The following B3GALT1 variants were observed in gnomAD, a reference collection of about 807,000 sequenced individuals.
The protein encoded by B3GALT1 is UDP-Gal:betaGlcNAc beta 1,3-galactosyltransferase, polypeptide 1.
B3GALT1 carries 10 observed loss-of-function variants against 23.2 expected under a neutral mutation model. The ratio of observed to expected loss-of-function variants is 0.43; its 90% CI spans 0.27 to 0.73. The LOEUF is 0.73. B3GALT1 is among the 30% of genes least tolerant of loss of function. The pLI is 0.21. For missense variants in B3GALT1, 299 were observed against 405.4 expected, an observed-to-expected ratio of 0.74 and a Z score of 2.25; for synonymous variants, 156 against 141.5, an observed-to-expected ratio of 1.10 and a Z score of -0.73.
chr2:167,752,516 G>T (rs1165645131), intron 3 of B3GALT1, among the ~76,000 whole-genome samples: 1 of 144,114 alleles, frequency 6.9e-6, no homozygotes, highest in Non-Finnish European at 1.5e-5. Context: ...TACTCTATTT[G>T]TTTTTTTTTT....
intron 1 of B3GALT1, among the ~76,000 whole-genome samples, chr2:167,425,421 A>G (rs1698609047): frequency 6.6e-6 from 1 of 152,120 alleles, no homozygotes; most frequent in Admixed American, 6.6e-5. Flanking sequence ...CCAGCAAGGG[A>G]AAAAAAATCA....
At position 167,428,633 on chromosome 2, in the gene B3GALT1, GC is replaced by G. The variant is rs534054636; in HGVS notation, c.-510-61540del. 5.0e-3 allele frequency among the ~76,000 whole-genome samples: 765 copies of G among 151,954 alleles called. 8 individuals are homozygous for G. The highest frequency in any genetic ancestry group is 0.018 in the African/African-American group (731 of 41,428). On this transcript the variant is annotated intron_variant, in intron 1 of 4. Coordinates refer to ENST00000392690, the MANE Select transcript of B3GALT1 (RefSeq NM_020981.4). Reference sequence around the variant, plus strand: ...GAGGAGGTTGCAGTGAGCTGAGATCGCCCCACTACACTCTAGCCTGGGTGAC... The same window carrying G: ...GAGGAGGTTGCAGTGAGCTGAGATCGCCCACTACACTCTAGCCTGGGTGAC...
At chr2:167,839,780 A>G (rs1409529205) in intron 4 of B3GALT1, among the ~76,000 whole-genome samples, 1 of 152,184 alleles carries the variant, frequency 6.6e-6, no homozygotes, top group Non-Finnish European at 1.5e-5. Context: ...TTCAAACTAT[A>G]CTACAAGGCT....
At chr2:167,647,668 T>G (rs1685772442) in intron 3 of B3GALT1, among the ~76,000 whole-genome samples, 1 of 152,142 alleles carries the variant, frequency 6.6e-6, no homozygotes, top group African/African-American at 2.4e-5. Context: ...GCATCTGGGC[T>G]CTCAAACTCA....
intron 3 of B3GALT1, among the ~76,000 whole-genome samples, chr2:167,659,237 GT>G (rs5836155): frequency 1.7e-4 from 25 of 148,698 alleles, no homozygotes; most frequent in African/African-American, 3.7e-4. Context: ...AGTTCCATGT[GT>G]TTTTTTTTTG....
intron 3 of B3GALT1, among the ~76,000 whole-genome samples, chr2:167,664,670 T>A (rs1338326677): frequency 6.6e-6 from 1 of 152,220 alleles, no homozygotes; most frequent in Non-Finnish European, 1.5e-5. Flanking sequence ...CTTAAAGAGA[T>A]CCTTCACATC....
At chr2:167,468,665 C>T (rs953422498) in intron 1 of B3GALT1, among the ~76,000 whole-genome samples, 2 of 152,046 alleles carry the variant, frequency 1.3e-5, no homozygotes. Context: ...TGAGGTCAGG[C>T]GTTCAAGACC....
intron 1 of B3GALT1, among the ~76,000 whole-genome samples, chr2:167,371,447 T>G (rs1162828017): frequency 6.6e-6 from 1 of 152,172 alleles, no homozygotes; most frequent in African/African-American, 2.4e-5. Context: ...AATTTCCACT[T>G]CATATATAAT....
At chr2:167,480,543 C>T (rs1220564358) in intron 1 of B3GALT1, among the ~76,000 whole-genome samples, 2 of 152,076 alleles carry the variant, frequency 1.3e-5, no homozygotes, top group Admixed American at 1.3e-4. Flanking sequence ...GATTGTCAAC[C>T]CTTAACTCTG....
intron 2 of B3GALT1, among the ~76,000 whole-genome samples, chr2:167,627,315 C>A (rs888195315): frequency 6.6e-6 from 1 of 151,730 alleles, no homozygotes; most frequent in Non-Finnish European, 1.5e-5. Context: ...CCTTTATAAT[C>A]AGTCTCAACA....
chr2:167,792,879 CTA>C, intron 3 of B3GALT1, among the ~76,000 whole-genome samples: 1 of 121,568 alleles, frequency 8.2e-6, no homozygotes, highest in South Asian at 2.6e-4. Flanking sequence ...TTTTTTTTAA[CTA>C]AGGAGGTCAA....
intron 4 of B3GALT1, among the ~76,000 whole-genome samples, chr2:167,867,027 G>C (rs62195019): frequency 2.0e-4 from 30 of 152,016 alleles, no homozygotes; most frequent in East Asian, 1.2e-3. Flanking sequence ...CCTGGATTCA[G>C]GCCATTCTCC....
intron 1 of B3GALT1, among the ~76,000 whole-genome samples, chr2:167,373,274 A>T (rs1697712918): frequency 6.6e-6 from 1 of 152,138 alleles, no homozygotes; most frequent in South Asian, 2.1e-4. Context: ...AAGCTACTAG[A>T]TGAACACATA....
In B3GALT1 at chr2:167,463,374, A is replaced by G. The variant is rs536991442; in HGVS notation, c.-510-26803A>G. Among the ~76,000 whole-genome samples, 3 of 152,196 alleles carry G rather than the reference A, an allele frequency of 2.0e-5. No individual in the cohort carries two copies. In the South Asian group the frequency reaches 6.2e-4, roughly 32 times the overall value. On this transcript the variant is annotated intron_variant, in intron 1 of 4. Coordinates refer to ENST00000392690, the MANE Select transcript of B3GALT1 (RefSeq NM_020981.4). ...AGTCTATACGGTCATCTCCTCCCTC[A>G]TAATATTACTAATACACTAATAGCC...
At chr2:167,754,893 A>G (rs2105290947) in intron 3 of B3GALT1, among the ~76,000 whole-genome samples, 1 of 152,378 alleles carries the variant, frequency 6.6e-6, no homozygotes, top group East Asian at 1.9e-4. Context: ...CAATTATTTT[A>G]AAACATCTGG....
At chr2:167,787,663 A>G (rs1191200926) in intron 3 of B3GALT1, among the ~76,000 whole-genome samples, 1 of 152,206 alleles carries the variant, frequency 6.6e-6, no homozygotes, top group African/African-American at 2.4e-5. Flanking sequence ...ACTTAGTTCT[A>G]TGACCCCTAT....
chr2:167,596,247 T>C lies in B3GALT1; in HGVS notation c.-409-50662T>C, dbSNP rs191628533. On this transcript the variant is annotated intron_variant, in intron 2 of 4. Coordinates refer to ENST00000392690, the MANE Select transcript of B3GALT1 (RefSeq NM_020981.4). ...ATAGGTCATTTGCTGAGTGTGCCAG[T>C]CATCTAATAACAGGAAGTACCTAAA... is the stretch of plus-strand genomic sequence containing the variant. Among the ~76,000 whole-genome samples, 30 of 152,292 alleles carry C rather than the reference T, an allele frequency of 2.0e-4. 2 individuals are homozygous for C. The highest frequency in any genetic ancestry group is 2.0e-3 in the Admixed American group (30 of 15,302).
intron 2 of B3GALT1, among the ~76,000 whole-genome samples, chr2:167,531,877 G>C (rs1171115048): frequency 6.6e-6 from 1 of 152,032 alleles, no homozygotes; most frequent in East Asian, 1.9e-4. Flanking sequence ...TGAATATTTT[G>C]GCTCAATGGG....
intron 3 of B3GALT1, among the ~76,000 whole-genome samples, chr2:167,704,981 C>T (rs1375161718): frequency 6.6e-6 from 1 of 152,168 alleles, no homozygotes; most frequent in Non-Finnish European, 1.5e-5. Context: ...AATTGAGTTA[C>T]TCGCCATAAA....
Sources: allele counts gnomAD v4.1 joint callset (sites outside exome capture counted in the v4.1 genomes callset), GRCh38; gene constraint gnomAD v4.1.1; transcripts MANE v1.5; gene names NCBI Gene and HGNC (gene_info 2026-07-23, HGNC 2026-07-21).